WDPCP: variants seen among roughly 807,000 people sequenced by gnomAD.
The protein encoded by WDPCP is WD repeat containing planar cell polarity effector, also known as WD repeat-containing and planar cell polarity effector protein fritz homolog.
Under a neutral mutation model 93.1 loss-of-function variants are expected in WDPCP, and 71 were observed. That is an observed-to-expected ratio of 0.76 (90% CI 0.63 to 0.93). The LOEUF (loss-of-function observed/expected upper bound fraction) is 0.93. Among genes scored for constraint, WDPCP ranks in the 40% least tolerant of loss-of-function variants. The pLI is 0.00. For synonymous variants in WDPCP, 315 were observed against 315.0 expected (o/e 1.00, Z 0.00); for missense variants, 844 against 887.4 (o/e 0.95, Z 0.62).
chr2:63,285,702 A>G (rs4416201), intron 13 of WDPCP, among the ~76,000 whole-genome samples: 123,532 of 152,154 alleles, frequency 0.81, 50,904 homozygotes, highest in East Asian at 0.96. Flanking sequence ...GCTTTAAAAT[A>G]GTTGATGCAA....
intron 13 of WDPCP, among the ~76,000 whole-genome samples, chr2:63,289,799 C>A (rs553934837): frequency 2.4e-4 from 37 of 151,752 alleles, no homozygotes; most frequent in Non-Finnish European, 4.3e-4. Flanking sequence ...CAGTTATCTT[C>A]TTTAGGATTG....
intron 2 of WDPCP, among the ~76,000 whole-genome samples, chr2:63,678,837 C>T (rs1310068590): frequency 6.6e-6 from 1 of 152,196 alleles, no homozygotes; most frequent in Admixed American, 6.5e-5. Context: ...TGATGTAGAG[C>T]ATGCACATCT....
chr2:63,644,330 C>T (rs554868655), intron 3 of WDPCP, among the ~76,000 whole-genome samples: 60 of 150,962 alleles, frequency 4.0e-4, no homozygotes, highest in African/African-American at 1.1e-3. Flanking sequence ...TTGCAACCTC[C>T]GCCTCCTGGG....
intron 3 of WDPCP, among the ~76,000 whole-genome samples, chr2:63,596,889 A>C (rs967695750): frequency 3.3e-5 from 5 of 152,214 alleles, no homozygotes; most frequent in African/African-American, 1.2e-4. Flanking sequence ...AATCTCTTTA[A>C]ACCTCAGTGT....
chr2:63,408,952 C>CT (rs1056978305), intron 9 of WDPCP, among the ~76,000 whole-genome samples: 14 of 152,142 alleles, frequency 9.2e-5, no homozygotes, highest in African/African-American at 3.4e-4. Context: ...CCTGATGGTC[C>CT]TTCCCTACCC....
At chr2:63,493,087 T>A (rs532164661) in intron 1 of WDPCP, 147 bp from the exon 2 acceptor site, 1 of 692,534 alleles carries the variant, frequency 1.4e-6, no homozygotes, top group Non-Finnish European at 2.5e-6. Flanking sequence ...CTCTAGTGTA[T>A]CCTTGGTTAA....
chr2:63,571,878 T>C (rs1707531274), intron 1 of WDPCP, among the ~76,000 whole-genome samples: 2 of 152,324 alleles, frequency 1.3e-5, no homozygotes, highest in East Asian at 1.9e-4. Flanking sequence ...TTCCCACATA[T>C]ATTTTATATA....
intron 1 of WDPCP, among the ~76,000 whole-genome samples, chr2:63,575,392 ATATACAG>A (rs1707887467): frequency 1.2e-5 from 1 of 86,204 alleles, no homozygotes; most frequent in African/African-American, 4.4e-5. Flanking sequence ...TATACACGGT[ATATACAG>A]TATATATACA....
intron 2 of WDPCP, among the ~76,000 whole-genome samples, chr2:63,754,178 G>A (rs1669923140): frequency 6.6e-6 from 1 of 152,182 alleles, no homozygotes; most frequent in Non-Finnish European, 1.5e-5. Context: ...CATCTATGGA[G>A]GGAGCACAAC....
chr2:63,462,417 G>A (rs1699077538), intron 6 of WDPCP, among the ~76,000 whole-genome samples: 2 of 152,134 alleles, frequency 1.3e-5, no homozygotes, highest in African/African-American at 2.4e-5. Context: ...GCTAATGGGC[G>A]CAGCACACCA....
At position 63,435,508 on chromosome 2, in the gene WDPCP, A is replaced by G. The variant is rs79146651; in HGVS notation, c.634-1572T>C. ...CTTAAAAATACACATACATTATTTC[A>G]ATGTCTGATTTGCTGCATAAGTGTG... On this transcript the variant is annotated intron_variant, in intron 8 of 17. Coordinates refer to ENST00000272321, the MANE Select transcript of WDPCP (RefSeq NM_015910.7). Among the ~76,000 whole-genome samples, 644 of 152,220 alleles carry G rather than the reference A, an allele frequency of 4.2e-3. 8 individuals are homozygous for G. The highest frequency in any genetic ancestry group is 0.014 in the African/African-American group (602 of 41,562).
chr2:63,397,502 GA>G (rs917776057), intron 10 of WDPCP, among the ~76,000 whole-genome samples: 125 of 152,186 alleles, frequency 8.2e-4, no homozygotes, highest in African/African-American at 2.7e-3. Flanking sequence ...TAACAAAACT[GA>G]AAATAAAGTA....
At chr2:63,766,627 T>A (rs768434532) in intron 2 of WDPCP, among the ~76,000 whole-genome samples, 1 of 151,838 alleles carries the variant, frequency 6.6e-6, no homozygotes, top group Non-Finnish European at 1.5e-5. Context: ...ATAAAATGCA[T>A]ATGTTTAAAG....
At chr2:63,604,629 A>C in intron 3 of WDPCP, 1 of 1,304,482 alleles carries the variant, frequency 7.7e-7, no homozygotes, top group Non-Finnish European at 1.1e-6. Context: ...GGCATTTGTC[A>C]AAACAGGTCC....
intron 3 of WDPCP, among the ~76,000 whole-genome samples, chr2:63,619,178 G>T (rs563584106): frequency 6.6e-6 from 1 of 152,246 alleles, no homozygotes; most frequent in Admixed American, 6.5e-5. Flanking sequence ...TAGTTGGCTG[G>T]CCATTTAGGG....
chr2:63,176,841 T>C (rs1559176486), intron 14 of WDPCP, among the ~76,000 whole-genome samples: 1 of 152,198 alleles, frequency 6.6e-6, no homozygotes, highest in Non-Finnish European at 1.5e-5. Flanking sequence ...TCATATCCAA[T>C]ATCATGAAGC....
At chr2:63,653,808 G>A (rs958753095) in intron 2 of WDPCP, among the ~76,000 whole-genome samples, 1 of 151,912 alleles carries the variant, frequency 6.6e-6, no homozygotes, top group South Asian at 2.1e-4. Flanking sequence ...TACTCGGGAG[G>A]CTGAGGCACG....
chr2:63,804,660 A>C (rs968359641), intron 2 of WDPCP, among the ~76,000 whole-genome samples: 1 of 151,792 alleles, frequency 6.6e-6, no homozygotes, highest in Non-Finnish European at 1.5e-5. Flanking sequence ...ATAACTTAGA[A>C]GGACTCAAGA....
At chr2:63,220,094 C>T (rs551192216) in intron 14 of WDPCP, among the ~76,000 whole-genome samples, 1 of 152,166 alleles carries the variant, frequency 6.6e-6, no homozygotes, top group African/African-American at 2.4e-5. Flanking sequence ...TCTTCTGCTA[C>T]CTGAAATATG....
Sources: allele counts gnomAD v4.1 joint callset (sites outside exome capture counted in the v4.1 genomes callset), GRCh38; gene constraint gnomAD v4.1.1; transcripts MANE v1.5; gene names NCBI Gene and HGNC (gene_info 2026-07-23, HGNC 2026-07-21).